Variants in MEGF11 observed in about 807,000 individuals in gnomAD.
MEGF11 encodes multiple EGF like domains 11, also known as multiple epidermal growth factor-like domains protein 11.
MEGF11 carries 126 observed loss-of-function variants against 146.6 expected under a neutral mutation model. The ratio of observed to expected loss-of-function variants is 0.86; its 90% CI spans 0.74 to 1.00. MEGF11 has a LOEUF of 1.00. MEGF11 is among the 50% of genes least tolerant of loss of function. The pLI is 0.00. For missense variants in MEGF11, 1,509 were observed against 1,521.2 expected, an observed-to-expected ratio of 0.99 and a Z score of 0.13; for synonymous variants, 532 against 583.4, an observed-to-expected ratio of 0.91 and a Z score of 1.27.
intron 5 of MEGF11, among the ~76,000 whole-genome samples, chr15:66,058,722 G>T (rs1345436889): frequency 6.6e-6 from 1 of 152,138 alleles, no homozygotes; most frequent in African/African-American, 2.4e-5. Context: ...TCCCTCTTCG[G>T]GGTGGCCCTA....
chr15:66,168,429 G>A (rs1251345771), intron 1 of MEGF11, among the ~76,000 whole-genome samples: 3 of 152,136 alleles, frequency 2.0e-5, no homozygotes, highest in African/African-American at 7.2e-5. Context: ...TGAGATCAGT[G>A]ATGATCTGCT....
intron 1 of MEGF11, among the ~76,000 whole-genome samples, chr15:66,220,627 T>C (rs950964893): frequency 6.9e-6 from 1 of 145,802 alleles, no homozygotes; most frequent in African/African-American, 2.5e-5. Flanking sequence ...AGCCTTGACC[T>C]CCCAGGATCA....
chr15:66,216,033 C>T (rs761136748), intron 1 of MEGF11, among the ~76,000 whole-genome samples: 7 of 152,074 alleles, frequency 4.6e-5, no homozygotes, highest in Non-Finnish European at 1.0e-4. Context: ...CAACTGCCTG[C>T]GAGGTGATTA....
chr15:66,203,263 GC>G (rs2091215552), intron 1 of MEGF11, among the ~76,000 whole-genome samples: 1 of 152,202 alleles, frequency 6.6e-6, no homozygotes, highest in Non-Finnish European at 1.5e-5. Flanking sequence ...GATTCCGAGG[GC>G]CCGCCTCACA....
At chr15:65,948,821 A>C (rs1007420505) in intron 10 of MEGF11, among the ~76,000 whole-genome samples, 3 of 147,568 alleles carry the variant, frequency 2.0e-5, no homozygotes, top group African/African-American at 7.4e-5. Context: ...GGACTTGGGT[A>C]CTGGAGTGTG....
intron 5 of MEGF11, among the ~76,000 whole-genome samples, chr15:65,994,666 G>A (rs1287200732): frequency 6.6e-6 from 1 of 152,196 alleles, no homozygotes; most frequent in Non-Finnish European, 1.5e-5. Flanking sequence ...CCAGGGGCAG[G>A]AGGGACCTGG....
At chr15:66,023,664 C>T (rs546654785) in intron 5 of MEGF11, among the ~76,000 whole-genome samples, 7 of 152,330 alleles carry the variant, frequency 4.6e-5, no homozygotes, top group Non-Finnish European at 5.9e-5. Context: ...CAAGTGGGGT[C>T]GGCGTGCCCA....
At chr15:65,914,721 C>T (rs750638971) in intron 19 of MEGF11, among the ~76,000 whole-genome samples, 5 of 152,188 alleles carry the variant, frequency 3.3e-5, no homozygotes, top group Non-Finnish European at 5.9e-5. Flanking sequence ...GCTGCAATAT[C>T]GTTCTCAGTG....
intron 1 of MEGF11, among the ~76,000 whole-genome samples, chr15:66,159,264 T>G (rs922824231): frequency 6.6e-6 from 1 of 152,234 alleles, no homozygotes; most frequent in Non-Finnish European, 1.5e-5. Flanking sequence ...CAGAGGGCCT[T>G]GTCTTCCACT....
intron 1 of MEGF11, among the ~76,000 whole-genome samples, chr15:66,251,208 C>T (rs1048217952): frequency 2.0e-5 from 3 of 152,202 alleles, no homozygotes; most frequent in Admixed American, 6.5e-5. Flanking sequence ...TTTGACCAGC[C>T]GCTTAACCAG....
intron 10 of MEGF11, among the ~76,000 whole-genome samples, chr15:65,948,461 T>C (rs182819950): frequency 3.9e-5 from 6 of 152,314 alleles, no homozygotes; most frequent in Non-Finnish European, 7.4e-5. Context: ...GCTGGCATTA[T>C]TAATCCATCT....
intron 1 of MEGF11, among the ~76,000 whole-genome samples, chr15:66,130,733 GAA>G (rs1427314558): frequency 1.3e-5 from 2 of 151,298 alleles, no homozygotes; most frequent in African/African-American, 2.4e-5. Context: ...AGGGAGGGAG[GAA>G]GGAAGGAAGG....
intron 5 of MEGF11, among the ~76,000 whole-genome samples, chr15:66,082,475 A>G (rs2085917412): frequency 1.0e-5 from 1 of 98,162 alleles, no homozygotes; most frequent in African/African-American, 5.1e-5. Context: ...AAATCTATCT[A>G]TCTATCTATC....
chr15:65,940,861 G>T (rs1225014659), intron 10 of MEGF11, among the ~76,000 whole-genome samples: 1 of 152,202 alleles, frequency 6.6e-6, no homozygotes, highest in African/African-American at 2.4e-5. Flanking sequence ...AAATGAATAG[G>T]CTGCCAGTGA....
chr15:66,136,515 C>A (rs975286896), intron 1 of MEGF11, among the ~76,000 whole-genome samples: 5 of 152,180 alleles, frequency 3.3e-5, no homozygotes, highest in Admixed American at 1.3e-4. Flanking sequence ...CCTTAGAGAA[C>A]CTTCCCGACC....
intron 8 of MEGF11, among the ~76,000 whole-genome samples, chr15:65,966,563 G>A (rs1054735906): frequency 2.6e-5 from 4 of 152,198 alleles, no homozygotes; most frequent in Admixed American, 6.5e-5. Flanking sequence ...TAGAGGAAGC[G>A]TCTTCCTGCA....
chr15:66,037,923 T>C (rs1042698776), intron 5 of MEGF11, among the ~76,000 whole-genome samples: 48 of 152,288 alleles, frequency 3.2e-4, no homozygotes, highest in African/African-American at 1.1e-3. Context: ...GACATCCCCA[T>C]GGCCACATGA....
rs1349473489 is a variant in MEGF11, at chr15:65,930,147, T to A, written c.1409-264A>T. On this transcript the variant is annotated intron_variant, in intron 11 of 25. Coordinates refer to ENST00000395614, the MANE Select transcript of MEGF11 (RefSeq NM_001385028.1). ...TACCTGGAACAGGCACCAGCTCAGG[T>A]GGGGAGTGCTGTTTCTGCCCAGGGT... Among the ~76,000 whole-genome samples, 7 of 152,312 alleles carry A rather than the reference T, an allele frequency of 4.6e-5. No individual in the cohort carries two copies. In the East Asian group the frequency reaches 1.3e-3, roughly 29 times the overall value.
chr15:66,104,823 C>T (rs34890708), intron 4 of MEGF11, among the ~76,000 whole-genome samples: 57,841 of 151,930 alleles, frequency 0.38, 11,353 homozygotes, highest in South Asian at 0.47. Flanking sequence ...GGGTTTCAAG[C>T]CTGAAGCGGG....
Sources: gnomAD v4.1 joint callset for allele counts (sites outside exome capture counted in the v4.1 genomes callset) on GRCh38, gnomAD v4.1.1 for gene constraint, MANE v1.5 for transcripts, NCBI Gene and HGNC (gene_info 2026-07-23, HGNC 2026-07-21) for gene names.